The following FRMD6 variants were observed in gnomAD, a reference collection of about 807,000 sequenced individuals.
FRMD6 encodes FERM domain-containing protein 6.
Under a neutral mutation model 73.2 loss-of-function variants are expected in FRMD6, and 37 were observed. The observed-to-expected ratio is 0.51, with a 90% CI of 0.39 to 0.66. FRMD6 has a LOEUF of 0.66. FRMD6 is among the 30% of genes least tolerant of loss of function. The pLI is 0.00. For synonymous variants in FRMD6, 273 were observed against 282.2 expected (o/e 0.97, Z 0.33); for missense variants, 714 against 780.5 (o/e 0.91, Z 1.02).
intron 1 of FRMD6, chr14:51,547,677 G>T (rs543189098): frequency 6.6e-6 from 1 of 152,194 alleles, no homozygotes; most frequent in African/African-American, 2.4e-5. Context: ...CCACCCAAAT[G>T]TGATTTGTTT....
At chr14:51,465,958 C>G in the FRMD6 span, among the ~76,000 whole-genome samples, 1 of 152,062 alleles carries the variant, frequency 6.6e-6, no homozygotes, top group Non-Finnish European at 1.5e-5. Context: ...ATATCCTCAC[C>G]AGAATTAATA....
At chr14:51,439,308 T>C in the FRMD6 span, among the ~76,000 whole-genome samples, 2 of 151,912 alleles carry the variant, frequency 1.3e-5, no homozygotes, top group South Asian at 4.1e-4. Context: ...AACATAAAGA[T>C]TTTTTGGGGG....
intron 1 of FRMD6, chr14:51,522,968 C>T (rs1666798577): frequency 1.3e-5 from 2 of 152,186 alleles, no homozygotes; most frequent in South Asian, 4.2e-4. Context: ...TCACATTTTA[C>T]AAAAATATAG....
chr14:51,407,491 TA>T, the FRMD6 span, among the ~76,000 whole-genome samples: 1 of 151,870 alleles, frequency 6.6e-6, no homozygotes, highest in East Asian at 1.9e-4. Flanking sequence ...TGGTGAAAAA[TA>T]AAATTTCACC....
intron 1 of FRMD6, among the ~76,000 whole-genome samples, chr14:51,543,073 C>T (rs1356603139): frequency 3.3e-5 from 5 of 151,910 alleles, no homozygotes. Flanking sequence ...CTTTGATGAA[C>T]AAAAGTTTTT....
intron 2 of FRMD6, among the ~76,000 whole-genome samples, chr14:51,633,951 T>C (rs1436050382): frequency 6.6e-6 from 1 of 152,226 alleles, no homozygotes; most frequent in Non-Finnish European, 1.5e-5. Context: ...TTCAAAAATC[T>C]GAATCATATT....
intron 1 of FRMD6, among the ~76,000 whole-genome samples, chr14:51,669,332 A>G (rs922410702): frequency 6.6e-6 from 1 of 152,190 alleles, no homozygotes; most frequent in African/African-American, 2.4e-5. Flanking sequence ...GCTATTATGA[A>G]TGAAGTTACT....
chr14:51,624,049 A>G (rs574239407), intron 2 of FRMD6, among the ~76,000 whole-genome samples: 1 of 152,310 alleles, frequency 6.6e-6, no homozygotes, highest in South Asian at 2.1e-4. Flanking sequence ...TAATGCAGGA[A>G]CAGAACACCA....
chr14:51,558,130 A>C (rs2139484463), intron 1 of FRMD6, among the ~76,000 whole-genome samples: 1 of 152,296 alleles, frequency 6.6e-6, no homozygotes, highest in East Asian at 1.9e-4. Flanking sequence ...AATGTTGTAA[A>C]CCATTAATAT....
At chr14:51,469,503 C>T in the FRMD6 span, among the ~76,000 whole-genome samples, 1 of 150,478 alleles carries the variant, frequency 6.6e-6, no homozygotes, top group Non-Finnish European at 1.5e-5. Context: ...GTCCCAGCTA[C>T]TCGGGAGGCT....
chr14:51,489,572 G>A (rs551852566), intron 1 of FRMD6, among the ~76,000 whole-genome samples: 112 of 152,342 alleles, frequency 7.4e-4, no homozygotes, highest in Non-Finnish European at 1.1e-3. Flanking sequence ...TGCTGAGGGA[G>A]TTGGTTCTGC....
intron 2 of FRMD6, among the ~76,000 whole-genome samples, chr14:51,610,823 T>A (rs1025821179): frequency 6.6e-6 from 1 of 152,204 alleles, no homozygotes; most frequent in Non-Finnish European, 1.5e-5. Flanking sequence ...CCAAGTTGAC[T>A]CAGGTGTTTG....
At chr14:51,562,461 A>G (rs1033971868) in intron 1 of FRMD6, among the ~76,000 whole-genome samples, 4 of 152,188 alleles carry the variant, frequency 2.6e-5, no homozygotes, top group African/African-American at 9.7e-5. Context: ...ACAGTTTTGT[A>G]AAAACTCTGA....
chr14:51,679,595 T>A (rs1000214085), intron 1 of FRMD6, among the ~76,000 whole-genome samples: 7 of 148,442 alleles, frequency 4.7e-5, no homozygotes, highest in African/African-American at 1.7e-4. Context: ...TAAAGCTAAG[T>A]GTGCTATCAA....
the FRMD6 span, among the ~76,000 whole-genome samples, chr14:51,429,349 T>C: frequency 6.6e-6 from 1 of 152,310 alleles, no homozygotes; most frequent in East Asian, 1.9e-4. Context: ...CAGTAGATAA[T>C]CAGAACTCTC....
At chr14:51,649,955 A>G (rs1161922902), upstream of FRMD6, 2 of 152,146 alleles carry the variant, frequency 1.3e-5, no homozygotes, top group African/African-American at 4.8e-5. Flanking sequence ...TAGTAGAAAC[A>G]AGGTCTGGCT....
chr14:51,457,868 C>T, the FRMD6 span, among the ~76,000 whole-genome samples: 1 of 152,092 alleles, frequency 6.6e-6, no homozygotes, highest in Non-Finnish European at 1.5e-5. Flanking sequence ...TGCATGAATG[C>T]CTTAACATAG....
chr14:51,460,542 G>A, the FRMD6 span, among the ~76,000 whole-genome samples: 3 of 152,278 alleles, frequency 2.0e-5, no homozygotes, highest in East Asian at 5.8e-4. Flanking sequence ...CAGGGTCAAG[G>A]ACGTGAACAT....
the FRMD6 span, among the ~76,000 whole-genome samples, chr14:51,449,329 C>T: frequency 6.6e-6 from 1 of 152,286 alleles, no homozygotes; most frequent in South Asian, 2.1e-4. Context: ...GAAAATCAGT[C>T]TTCAGGGTAG....
Sources: gnomAD v4.1 joint callset for allele counts (sites outside exome capture counted in the v4.1 genomes callset) on GRCh38, gnomAD v4.1.1 for gene constraint, MANE v1.5 for transcripts, NCBI Gene and HGNC (gene_info 2026-07-23, HGNC 2026-07-21) for gene names.